SORCS1: variants seen among roughly 807,000 people sequenced by gnomAD.
SORCS1 encodes the protein sortilin related VPS10 domain containing receptor 1, also known as VPS10 domain-containing receptor SorCS1.
In SORCS1, 60 loss-of-function variants were observed where a neutral mutation model predicts 146.1. The ratio of observed to expected loss-of-function variants is 0.41; its 90% CI spans 0.33 to 0.51. SORCS1 has a LOEUF of 0.51. SORCS1 is among the 20% of genes least tolerant of loss of function. SORCS1 has a pLI of 0.21. For missense variants in SORCS1, 1,352 were observed against 1,487.6 expected, an observed-to-expected ratio of 0.91 and a Z score of 1.50; for synonymous variants, 637 against 584.0, an observed-to-expected ratio of 1.09 and a Z score of -1.31.
intron 17 of SORCS1, among the ~76,000 whole-genome samples, chr10:106,664,800 C>T (rs1851004403): frequency 6.6e-6 from 1 of 152,072 alleles, no homozygotes; most frequent in African/African-American, 2.4e-5. Context: ...AATATAACTT[C>T]CTTGACTGAT....
chr10:107,027,033 T>A (rs1958437042), intron 1 of SORCS1, among the ~76,000 whole-genome samples: 1 of 145,632 alleles, frequency 6.9e-6, no homozygotes, highest in Non-Finnish European at 1.5e-5. Flanking sequence ...TATATATATA[T>A]AAAAATATAT....
chr10:106,613,139 G>A (rs1847120918), intron 21 of SORCS1, among the ~76,000 whole-genome samples: 1 of 152,060 alleles, frequency 6.6e-6, no homozygotes, highest in Non-Finnish European at 1.5e-5. Context: ...GCTATCGTTT[G>A]TTTGCATGGA....
At chr10:106,624,891 T>C (rs1847995120) in intron 19 of SORCS1, among the ~76,000 whole-genome samples, 1 of 152,260 alleles carries the variant, frequency 6.6e-6, no homozygotes, top group Admixed American at 6.5e-5. Context: ...ACCATCTCTG[T>C]TAATCACAGA....
At chr10:106,588,860 CAAAAAAAAAAAAAAAA>C (rs778852501) in intron 24 of SORCS1, among the ~76,000 whole-genome samples, 7 of 35,092 alleles carry the variant, frequency 2.0e-4, no homozygotes, top group Non-Finnish European at 4.6e-4. Flanking sequence ...GACTCCATCT[CAAAAAAAAAAAAAAAA>C]AAAAAAAAAA....
At chr10:106,980,973 G>A (rs915922502) in intron 1 of SORCS1, among the ~76,000 whole-genome samples, 23 of 148,216 alleles carry the variant, frequency 1.6e-4, no homozygotes, top group African/African-American at 5.7e-4. Flanking sequence ...TGAACTGAAG[G>A]TTTCATTTGT....
chr10:107,007,823 A>G (rs945821569), intron 1 of SORCS1, among the ~76,000 whole-genome samples: 7 of 140,032 alleles, frequency 5.0e-5, no homozygotes, highest in South Asian at 4.1e-4. Context: ...CTCAGGCCCA[A>G]TTACGCTTAC....
chr10:106,651,140 C>G (rs1170562680), intron 18 of SORCS1, among the ~76,000 whole-genome samples: 1 of 152,156 alleles, frequency 6.6e-6, no homozygotes, highest in African/African-American at 2.4e-5. Flanking sequence ...TGGGGTTACA[C>G]AGTCTGTAAA....
intron 3 of SORCS1, among the ~76,000 whole-genome samples, chr10:106,806,524 T>C (rs1947191589): frequency 1.7e-5 from 2 of 120,230 alleles, no homozygotes; most frequent in Admixed American, 8.3e-5. Context: ...TTTTTTTTTT[T>C]TTTTTTTTTG....
At chr10:106,929,772 TGC>T in intron 2 of SORCS1, among the ~76,000 whole-genome samples, 1 of 113,264 alleles carries the variant, frequency 8.8e-6, no homozygotes, top group East Asian at 2.6e-4. Flanking sequence ...CATGTGCACG[TGC>T]ACACACACAC....
At chr10:106,829,756 A>C in intron 2 of SORCS1, 83 bp from the exon 3 acceptor site, 1 of 968,428 alleles carries the variant, frequency 1.0e-6, no homozygotes, top group South Asian at 1.6e-5. Flanking sequence ...TTTACACAGT[A>C]GAATGGCTCT....
intron 2 of SORCS1, among the ~76,000 whole-genome samples, chr10:106,953,981 T>A (rs1340572757): frequency 1.3e-5 from 2 of 152,188 alleles, no homozygotes; most frequent in East Asian, 3.9e-4. Flanking sequence ...GGAAGCCTGA[T>A]ACTAATGGGA....
chr10:107,115,369 T>C (rs1590171978), intron 1 of SORCS1, among the ~76,000 whole-genome samples: 1 of 152,036 alleles, frequency 6.6e-6, no homozygotes, highest in South Asian at 2.1e-4. Context: ...TACAAAGTCA[T>C]GTGATCAAAA....
chr10:106,584,951 C>T (rs1845134518), intron 24 of SORCS1, among the ~76,000 whole-genome samples: 1 of 152,042 alleles, frequency 6.6e-6, no homozygotes, highest in African/African-American at 2.4e-5. Flanking sequence ...TTCCTGGCTA[C>T]TATGTGAAAT....
rs1335599416 is a variant in SORCS1, at chr10:106,688,182, G to C, written c.1560+10C>G. The stretch of plus-strand genomic sequence containing the variant: ...TGTGTGAGGCATTCTGCTTCAATAG[G>C]AAGACTCACCAGCAAGCAGTGCACG... On this transcript the variant is annotated intron_variant, in intron 10 of 25. Coordinates refer to ENST00000263054, the MANE Select transcript of SORCS1 (RefSeq NM_052918.5). The C allele has an allele frequency of 1.2e-6, 2 of 1,610,592 alleles. No individual in the cohort carries two copies. The highest frequency in any genetic ancestry group is 1.7e-5 in the Admixed American group (1 of 59,368).
intron 2 of SORCS1, among the ~76,000 whole-genome samples, chr10:106,868,225 AAC>A (rs1320197816): frequency 6.6e-6 from 1 of 152,152 alleles, no homozygotes; most frequent in Non-Finnish European, 1.5e-5. Flanking sequence ...TCTACAAAGA[AAC>A]ACAGACTCCC....
rs545998393 is a variant in SORCS1, at chr10:107,098,464, G to T, written c.558+65505C>A. Among the ~76,000 whole-genome samples the T allele has an allele frequency of 2.7e-4, 41 of 152,254 alleles. 1 individual carries two copies. The highest frequency in any genetic ancestry group is 3.4e-3 in the Middle Eastern group (1 of 294). On this transcript the variant is annotated intron_variant, in intron 1 of 25. Coordinates refer to ENST00000263054, the MANE Select transcript of SORCS1 (RefSeq NM_052918.5). Reference sequence around the variant, plus strand: ...TAATTGTATGTTTTGTTTTGTTTTGGTTTTTTCCACCATTCAGCATTTAGG... The same window carrying T: ...TAATTGTATGTTTTGTTTTGTTTTGTTTTTTTCCACCATTCAGCATTTAGG...
chr10:106,802,522 G>A (rs1460705982), intron 3 of SORCS1, among the ~76,000 whole-genome samples: 1 of 150,718 alleles, frequency 6.6e-6, no homozygotes, highest in Non-Finnish European at 1.5e-5. Flanking sequence ...TTTCGAGATG[G>A]AGTTTCACTC....
At chr10:107,070,680 A>G (rs575328235) in intron 1 of SORCS1, among the ~76,000 whole-genome samples, 1 of 152,310 alleles carries the variant, frequency 6.6e-6, no homozygotes, top group East Asian at 1.9e-4. Context: ...TAATACAGAA[A>G]AATAATACCT....
intron 1 of SORCS1, among the ~76,000 whole-genome samples, chr10:107,006,920 T>TAA (rs144756775): frequency 6.6e-6 from 1 of 151,944 alleles, no homozygotes; most frequent in African/African-American, 2.4e-5. Context: ...TCAATGATTA[T>TAA]AAACAAATTT....
Sources: gnomAD v4.1 joint callset for allele counts (sites outside exome capture counted in the v4.1 genomes callset) on GRCh38, gnomAD v4.1.1 for gene constraint, MANE v1.5 for transcripts, NCBI Gene and HGNC (gene_info 2026-07-23, HGNC 2026-07-21) for gene names.